The following NIPSNAP1 variants were observed in gnomAD, a reference collection of about 807,000 sequenced individuals.
NIPSNAP1 encodes nipsnap homolog 1, also known as protein NipSnap homolog 1.
NIPSNAP1 carries 25 observed loss-of-function variants against 49.2 expected under a neutral mutation model. The observed-to-expected ratio is 0.51, with a 90% CI of 0.37 to 0.71. NIPSNAP1 has a LOEUF of 0.71. NIPSNAP1 is among the 30% of genes least tolerant of loss of function. The pLI is 0.00. For synonymous variants in NIPSNAP1, 143 were observed against 140.7 expected (o/e 1.02, Z -0.12); for missense variants, 294 against 361.0 (o/e 0.81, Z 1.50).
intron 1 of NIPSNAP1, among the ~76,000 whole-genome samples, chr22:29,573,268 C>CTCA (rs915486088): frequency 6.6e-6 from 1 of 152,094 alleles, no homozygotes; most frequent in East Asian, 1.9e-4. Context: ...ATCTCTCGAC[C>CTCA]TCATGATCCA....
intron 3 of NIPSNAP1, 177 bp downstream of exon 3, chr22:29,569,985 A>G (rs1001363135): frequency 3.1e-6 from 2 of 654,502 alleles, no homozygotes; most frequent in South Asian, 1.8e-5. Context: ...GCAAAACTCC[A>G]TCTCAAAAAA....
intron 1 of NIPSNAP1, chr22:29,580,290 C>T (rs2064487913): frequency 2.4e-6 from 3 of 1,246,024 alleles, no homozygotes; most frequent in South Asian, 1.4e-5. Context: ...GAGGGGCTGC[C>T]CAGGGCCAGT....
At chr22:29,579,289 C>CTT (rs34084606) in intron 1 of NIPSNAP1, among the ~76,000 whole-genome samples, 171 of 57,352 alleles carry the variant, frequency 3.0e-3, no homozygotes, top group East Asian at 6.6e-3. Flanking sequence ...AATTTTTGTA[C>CTT]TTTTTTTTTT....
intron 4 of NIPSNAP1, 115 bp from the exon 5 acceptor site, chr22:29,561,977 G>T: frequency 1.2e-6 from 1 of 823,770 alleles, no homozygotes; most frequent in East Asian, 2.5e-5. Context: ...GTTCCCTGTA[G>T]CAGCAAGACT....
At chr22:29,580,881 A>G (rs2064492676) in intron 1 of NIPSNAP1, 104 bp downstream of exon 1, 2 of 936,652 alleles carry the variant, frequency 2.1e-6, no homozygotes, top group Non-Finnish European at 3.1e-6. Context: ...TAACCCCCAG[A>G]TTCCAAGCGA....
At position 29,562,142 on chromosome 22, in the gene NIPSNAP1, T is replaced by C. The variant is rs1179046151; in HGVS notation, c.368-280A>G. Among the ~76,000 whole-genome samples, 3 of 152,194 alleles carry C rather than the reference T, an allele frequency of 2.0e-5. No individual in the cohort carries two copies. In the East Asian group the frequency reaches 5.8e-4, roughly 29 times the overall value. Reference sequence around the variant, plus strand: ...CTCATCTTGAAAATGGGAATAATGTTCCCACCCCACCTTCCTTAAATAGCA... The same window carrying C: ...CTCATCTTGAAAATGGGAATAATGTCCCCACCCCACCTTCCTTAAATAGCA... On this transcript the variant is annotated intron_variant, in intron 4 of 9. Transcript: ENST00000216121.
At chr22:29,571,772 TTTTTTC>T (rs1332354276) in intron 1 of NIPSNAP1, among the ~76,000 whole-genome samples, 3 of 96,068 alleles carry the variant, frequency 3.1e-5, no homozygotes, top group Non-Finnish European at 4.9e-5. Context: ...TTTCTTTTCT[TTTTTTC>T]TTTTCTTTTT....
At chr22:29,565,613 C>G (rs1359572878) in intron 4 of NIPSNAP1, among the ~76,000 whole-genome samples, 1 of 152,158 alleles carries the variant, frequency 6.6e-6, no homozygotes, top group African/African-American at 2.4e-5. Flanking sequence ...TGGAGCTGAT[C>G]AAGTCAAGCT....
chr22:29,569,813 AC>A (rs978920702), intron 3 of NIPSNAP1: 3 of 374,770 alleles, frequency 8.0e-6, no homozygotes, highest in African/African-American at 6.3e-5. Flanking sequence ...ACATGGTGAA[AC>A]CCTGTCTCTA....
chr22:29,574,755 G>C (rs2064438858), intron 1 of NIPSNAP1, among the ~76,000 whole-genome samples: 1 of 147,564 alleles, frequency 6.8e-6, no homozygotes, highest in Admixed American at 6.9e-5. Context: ...CTCCAGACTG[G>C]GCTACAAGAG....
At position 29,577,442 on chromosome 22, in the gene NIPSNAP1, G is replaced by A. The variant is rs141325559; in HGVS notation, c.98+3543C>T. On this transcript the variant is annotated intron_variant, in intron 1 of 9. Transcript: ENST00000216121. ...TAATTTTTTTTTTTTTTCTTGAGACGAAGTCTCGCTCTTGTTCCCCAGGCT... is the reference window on the plus strand; with the variant it reads ...TAATTTTTTTTTTTTTTCTTGAGACAAAGTCTCGCTCTTGTTCCCCAGGCT... Among the ~76,000 whole-genome samples, 31 of 144,302 alleles carry A rather than the reference G, an allele frequency of 2.1e-4. 1 individual carries two copies. The highest frequency in any genetic ancestry group is 7.1e-4 in the African/African-American group (27 of 37,904). The allele number at this position is 144,302 out of a possible 152,430, so 94.7% of individuals were successfully genotyped here.
At chr22:29,580,899 C>T in intron 1 of NIPSNAP1, 86 bp downstream of exon 1, 1 of 1,130,074 alleles carries the variant, frequency 8.8e-7, no homozygotes, top group Non-Finnish European at 1.2e-6. Flanking sequence ...CGAGGAGTCT[C>T]AGCCCCTCCC....
At chr22:29,575,489 T>G (rs1316063344) in intron 1 of NIPSNAP1, among the ~76,000 whole-genome samples, 1 of 152,126 alleles carries the variant, frequency 6.6e-6, no homozygotes, top group Non-Finnish European at 1.5e-5. Context: ...CAAGCCAGCA[T>G]CCCCAAGGGT....
At chr22:29,578,794 A>G (rs1290490712) in intron 1 of NIPSNAP1, among the ~76,000 whole-genome samples, 1 of 151,174 alleles carries the variant, frequency 6.6e-6, no homozygotes, top group African/African-American at 2.5e-5. Flanking sequence ...ATCCAGGGTC[A>G]CTGAGTGAGG....
intron 1 of NIPSNAP1, among the ~76,000 whole-genome samples, chr22:29,573,559 G>A (rs893130153): frequency 5.3e-5 from 8 of 151,838 alleles, no homozygotes; most frequent in Non-Finnish European, 1.2e-4. Flanking sequence ...ACCTGAGGTC[G>A]GGAGTTTGAG....
chr22:29,567,937 G>C (rs180896790), intron 4 of NIPSNAP1, among the ~76,000 whole-genome samples: 4 of 152,166 alleles, frequency 2.6e-5, no homozygotes, highest in Admixed American at 2.6e-4. Flanking sequence ...TAGCACTTTG[G>C]GAGGCCGAGG....
intron 1 of NIPSNAP1, among the ~76,000 whole-genome samples, chr22:29,579,165 C>A (rs552999293): frequency 1.3e-5 from 2 of 150,798 alleles, no homozygotes; most frequent in East Asian, 3.9e-4. Flanking sequence ...CTCTGTCTCC[C>A]GGGTTCAATT....
intron 9 of NIPSNAP1, among the ~76,000 whole-genome samples, chr22:29,556,719 A>G (rs1262992651): frequency 6.6e-6 from 1 of 152,128 alleles, no homozygotes; most frequent in African/African-American, 2.4e-5. Context: ...CTGATTTGGT[A>G]GGTTGCAGGA....
chr22:29,568,178 CAAAAAAAAAAAAA>C, intron 4 of NIPSNAP1, among the ~76,000 whole-genome samples: 1 of 40,642 alleles, frequency 2.5e-5, no homozygotes. Flanking sequence ...GACCCTGTCT[CAAAAAAAAAAAAA>C]AAAAAAAAAA....
Sources: gnomAD v4.1 joint callset for allele counts (sites outside exome capture counted in the v4.1 genomes callset) on GRCh38, gnomAD v4.1.1 for gene constraint, MANE v1.5 for transcripts, NCBI Gene and HGNC (gene_info 2026-07-23, HGNC 2026-07-21) for gene names.